Variants in GYS2 observed in about 807,000 individuals in gnomAD.
The protein encoded by GYS2 is glycogen synthase 2.
GYS2 carries 80 observed loss-of-function variants against 85.6 expected under a neutral mutation model. That is an observed-to-expected ratio of 0.93 (90% CI 0.78 to 1.13). GYS2 has a LOEUF of 1.13. Among genes scored for constraint, GYS2 ranks in the 50% most tolerant of loss-of-function variants. The probability of loss-of-function intolerance (pLI) is 0.00; values close to 1 mark genes in which losing one functional copy is unlikely to be tolerated. For synonymous variants in GYS2, 328 were observed against 300.7 expected (o/e 1.09, Z -0.94); for missense variants, 881 against 854.9 (o/e 1.03, Z -0.38).
chr12:21,538,529 C>T (rs1054288305), intron 15 of GYS2, among the ~76,000 whole-genome samples: 1 of 152,144 alleles, frequency 6.6e-6, no homozygotes, highest in African/African-American at 2.4e-5. Flanking sequence ...GATAGAGGCT[C>T]CTGTGGGGCA....
intron 12 of GYS2, 77 bp from the exon 13 acceptor site, chr12:21,542,668 C>G: frequency 4.7e-6 from 4 of 851,364 alleles, no homozygotes; most frequent in Non-Finnish European, 8.1e-6. Flanking sequence ...GAGGAAAAGG[C>G]CCTAGTCCTC....
chr12:21,603,051 T>C (rs1944771122), intron 1 of GYS2, among the ~76,000 whole-genome samples: 1 of 152,110 alleles, frequency 6.6e-6, no homozygotes, highest in Admixed American at 6.6e-5. Context: ...ATAGAGATGG[T>C]TCTGTTCCCA....
At chr12:21,545,626 G>A (rs1944029468) in intron 12 of GYS2, among the ~76,000 whole-genome samples, 1 of 152,142 alleles carries the variant, frequency 6.6e-6, no homozygotes, top group Admixed American at 6.5e-5. Flanking sequence ...TGATGCTAAT[G>A]GCAACCATGC....
chr12:21,538,652 T>C (rs1943937365), intron 15 of GYS2, among the ~76,000 whole-genome samples: 1 of 152,164 alleles, frequency 6.6e-6, no homozygotes, highest in Non-Finnish European at 1.5e-5. Context: ...CTTGGATTGC[T>C]GTGTAGACTA....
At chr12:21,550,287 C>T in intron 11 of GYS2, among the ~76,000 whole-genome samples, 1 of 149,676 alleles carries the variant, frequency 6.7e-6, no homozygotes, top group East Asian at 2.0e-4. Context: ...CTATTACTTC[C>T]CCCAAGTGCT....
chr12:21,548,312 A>C (rs1190575226), intron 11 of GYS2, among the ~76,000 whole-genome samples: 1 of 152,236 alleles, frequency 6.6e-6, no homozygotes, highest in Non-Finnish European at 1.5e-5. Flanking sequence ...TTTTCATTCT[A>C]TAAATACTCC....
At chr12:21,569,602 A>C (rs940575699) in intron 4 of GYS2, among the ~76,000 whole-genome samples, 3 of 152,240 alleles carry the variant, frequency 2.0e-5, no homozygotes, top group African/African-American at 7.2e-5. Context: ...ACTTAAAAAA[A>C]GTCAAATTCC....
chr12:21,567,865 G>C (rs897548389), intron 5 of GYS2, among the ~76,000 whole-genome samples: 1 of 152,006 alleles, frequency 6.6e-6, no homozygotes, highest in South Asian at 2.1e-4. Flanking sequence ...ACGAGGTCAG[G>C]AGTTCAAGAC....
At chr12:21,587,524 T>A (rs1944587933) in intron 1 of GYS2, among the ~76,000 whole-genome samples, 1 of 152,148 alleles carries the variant, frequency 6.6e-6, no homozygotes, top group African/African-American at 2.4e-5. Context: ...TTGGCACTTC[T>A]ACTTGCTGCT....
chr12:21,564,687 C>T (rs189588470), intron 5 of GYS2, among the ~76,000 whole-genome samples: 9 of 152,186 alleles, frequency 5.9e-5, no homozygotes, highest in Middle Eastern at 3.4e-3. Flanking sequence ...TAATGTGATT[C>T]GTACAGTATG....
At chr12:21,580,231 A>G (rs1457794352) in intron 2 of GYS2, 111 bp downstream of exon 2, 8 of 995,508 alleles carry the variant, frequency 8.0e-6, no homozygotes, top group Non-Finnish European at 1.1e-5. Flanking sequence ...CACAAACCTG[A>G]AAGTTTTCCT....
chr12:21,558,366 G>T, intron 10 of GYS2, 53 bp from the exon 11 acceptor site: 2 of 1,129,764 alleles, frequency 1.8e-6, no homozygotes, highest in Non-Finnish European at 2.7e-6. Context: ...TAATAAGGGT[G>T]ACTAATTTCA....
At chr12:21,566,895 G>T (rs1358807104) in intron 5 of GYS2, among the ~76,000 whole-genome samples, 1 of 152,070 alleles carries the variant, frequency 6.6e-6, no homozygotes, top group Non-Finnish European at 1.5e-5. Flanking sequence ...AAAAATTTAA[G>T]AAAATAGTAT....
intron 4 of GYS2, among the ~76,000 whole-genome samples, chr12:21,569,613 C>A (rs985350382): frequency 1.3e-5 from 2 of 152,130 alleles, no homozygotes; most frequent in Middle Eastern, 3.2e-3. Flanking sequence ...GTCAAATTCC[C>A]AACAATCACT....
chr12:21,549,410 A>G (rs962183666), intron 11 of GYS2, among the ~76,000 whole-genome samples: 1 of 152,262 alleles, frequency 6.6e-6, no homozygotes, highest in East Asian at 1.9e-4. Context: ...GAGCATTCTT[A>G]CATAATCTTA....
chr12:21,557,152 T>C (rs907641721), intron 11 of GYS2, among the ~76,000 whole-genome samples: 1 of 152,170 alleles, frequency 6.6e-6, no homozygotes, highest in Non-Finnish European at 1.5e-5. Flanking sequence ...CTGCTAAAAA[T>C]GAAAGAAAGA....
At chr12:21,601,025 C>A (rs1944750489) in intron 1 of GYS2, among the ~76,000 whole-genome samples, 1 of 152,110 alleles carries the variant, frequency 6.6e-6, no homozygotes, top group South Asian at 2.1e-4. Context: ...CAAGTCTTTA[C>A]AATTCTTAAA....
chr12:21,547,307 G>T (rs1452120643), intron 11 of GYS2, among the ~76,000 whole-genome samples: 3 of 152,130 alleles, frequency 2.0e-5, no homozygotes, highest in Non-Finnish European at 1.5e-5. Context: ...GACAAAAGAT[G>T]TTATAACATG....
chr12:21,577,689 A>C (rs1187144993), intron 2 of GYS2, among the ~76,000 whole-genome samples: 2 of 152,144 alleles, frequency 1.3e-5, no homozygotes, highest in Admixed American at 1.3e-4. Flanking sequence ...TAAACCTTGC[A>C]TGCACCTCCT....
Sources: allele counts gnomAD v4.1 joint callset (sites outside exome capture counted in the v4.1 genomes callset), GRCh38; gene constraint gnomAD v4.1.1; transcripts MANE v1.5; gene names NCBI Gene and HGNC (gene_info 2026-07-23, HGNC 2026-07-21).